RHOT1: variants seen among roughly 807,000 people sequenced by gnomAD.
RHOT1 encodes the protein ras homolog family member T1, also known as mitochondrial Rho GTPase 1.
RHOT1 carries 27 observed loss-of-function variants against 95.3 expected under a neutral mutation model. That is an observed-to-expected ratio of 0.28 (90% CI 0.21 to 0.39). RHOT1 has a LOEUF of 0.39. Ranked by LOEUF, RHOT1 falls within the 10% of genes least tolerant of loss-of-function variation. The pLI is 1.00. For missense variants in RHOT1, 578 were observed against 786.7 expected (o/e 0.73, Z 3.17); for synonymous variants, 227 against 263.5 (o/e 0.86, Z 1.34).
At chr17:32,177,830 T>G (rs963630633) in intron 6 of RHOT1, among the ~76,000 whole-genome samples, 6 of 145,878 alleles carry the variant, frequency 4.1e-5, no homozygotes, top group Non-Finnish European at 7.6e-5. Flanking sequence ...TCTTTCTTCT[T>G]TTTTTTTTTT....
At chr17:32,202,733 C>T (rs754366039) in intron 14 of RHOT1, 37 bp from the exon 15 acceptor site, 1 of 1,466,114 alleles carries the variant, frequency 6.8e-7, no homozygotes, top group Non-Finnish European at 9.2e-7. Context: ...CTAAGTGGTA[C>T]ATATTTAGTG....
intron 11 of RHOT1, 22 bp downstream of exon 11, chr17:32,194,129 G>T (rs569658599): frequency 3.9e-4 from 621 of 1,597,670 alleles, no homozygotes; most frequent in African/African-American, 1.5e-3. Flanking sequence ...TGTTTTTTTT[G>T]TTGTTGTTGT....
intron 1 of RHOT1, among the ~76,000 whole-genome samples, chr17:32,158,400 T>G (rs1252055661): frequency 6.6e-6 from 1 of 152,164 alleles, no homozygotes; most frequent in Non-Finnish European, 1.5e-5. Flanking sequence ...AAAAATCTAT[T>G]ACAGTGTTTC....
intron 8 of RHOT1, among the ~76,000 whole-genome samples, chr17:32,188,469 T>G (rs1441211936): frequency 6.6e-6 from 1 of 152,228 alleles, no homozygotes; most frequent in African/African-American, 2.4e-5. Context: ...GTCATAGGTT[T>G]GTGGATATGT....
intron 6 of RHOT1, chr17:32,179,411 C>A (rs2035373462): frequency 6.9e-6 from 1 of 145,868 alleles, no homozygotes; most frequent in Admixed American, 6.9e-5. Flanking sequence ...CCGGCCACCC[C>A]ATCTGGGAAG....
At chr17:32,168,071 C>T (rs55945037) in intron 1 of RHOT1, among the ~76,000 whole-genome samples, 1,848 of 150,876 alleles carry the variant, frequency 0.012, 38 homozygotes, top group African/African-American at 0.042. Flanking sequence ...TACAGAATGG[C>T]TTATTGAATA....
chr17:32,206,264 G>C (rs902160070), intron 16 of RHOT1, among the ~76,000 whole-genome samples: 2 of 139,578 alleles, frequency 1.4e-5, no homozygotes, highest in African/African-American at 5.4e-5. Context: ...GGAATGCAGC[G>C]GCGTGATCTC....
chr17:32,165,273 C>A (rs1276283490), intron 1 of RHOT1, among the ~76,000 whole-genome samples: 1 of 137,822 alleles, frequency 7.3e-6, no homozygotes, highest in East Asian at 2.2e-4. Context: ...AGAGGCAGAG[C>A]TTGCAATAAG....
intron 19 of RHOT1, among the ~76,000 whole-genome samples, chr17:32,222,361 G>A (rs767942014): frequency 9.2e-5 from 14 of 152,120 alleles, no homozygotes; most frequent in East Asian, 1.9e-4. Context: ...TAAACTTCAC[G>A]ACTAATCGTT....
chr17:32,224,017 GT>G (rs1404382481), intron 19 of RHOT1, among the ~76,000 whole-genome samples: 2 of 152,106 alleles, frequency 1.3e-5, no homozygotes, highest in African/African-American at 4.8e-5. Flanking sequence ...CCAGGGATTG[GT>G]TTTTTTCTCT....
chr17:32,174,941 C>T (rs1384380570), intron 3 of RHOT1, among the ~76,000 whole-genome samples: 1 of 152,170 alleles, frequency 6.6e-6, no homozygotes, highest in Non-Finnish European at 1.5e-5. Context: ...GCTTGTATTA[C>T]CCAGAATCTC....
In RHOT1 at chr17:32,224,765, A is replaced by G; in HGVS notation, c.*32A>G. ...AAGAAATACTGTCCCTACCAAAAAC[A>G]AATACTTTTATGTACATTCTGAATG... On this transcript the variant is annotated 3_prime_UTR_variant, in exon 20 of 20. Coordinates refer to ENST00000545287, the MANE Select transcript of RHOT1 (RefSeq NM_001033566.3). 2 of 1,311,942 alleles carry G rather than the reference A, an allele frequency of 1.5e-6. No individual in the cohort carries two copies. Among genetic ancestry groups the G allele is most frequent in the Non-Finnish European group, 2.2e-6 (2 of 913,268 alleles). 81.3% of individuals were successfully genotyped at this position (1,311,942 alleles called of 1,614,324 possible). A position where few individuals can be genotyped will look rare whatever the true frequency, so the allele number is the denominator to read the frequency against.
chr17:32,154,044 T>G (rs867432223), intron 1 of RHOT1, among the ~76,000 whole-genome samples: 2 of 151,876 alleles, frequency 1.3e-5, no homozygotes, highest in Non-Finnish European at 2.9e-5. Flanking sequence ...GGCTCATACC[T>G]TTAGTCCCAG....
intron 19 of RHOT1, 62 bp from the exon 20 acceptor site, chr17:32,224,554 A>T: frequency 1.7e-6 from 2 of 1,152,482 alleles, no homozygotes; most frequent in Non-Finnish European, 2.5e-6. Context: ...ACTGCTAAAT[A>T]ACTGGTATAG....
At chr17:32,193,923 T>TA in intron 10 of RHOT1, 64 bp from the exon 11 acceptor site, 1 of 1,567,860 alleles carries the variant, frequency 6.4e-7, no homozygotes, top group East Asian at 2.3e-5. Flanking sequence ...TTCTTGCCAT[T>TA]ATGTTACATG....
chr17:32,188,095 A>G (rs1395680204), intron 8 of RHOT1, among the ~76,000 whole-genome samples: 1 of 152,252 alleles, frequency 6.6e-6, no homozygotes, highest in Non-Finnish European at 1.5e-5. Context: ...TGCTGAGTGC[A>G]CTACTAATTG....
chr17:32,195,696 G>A (rs542864927), intron 11 of RHOT1, among the ~76,000 whole-genome samples: 40 of 152,182 alleles, frequency 2.6e-4, no homozygotes, highest in South Asian at 2.1e-4. Flanking sequence ...TTACTTCTCC[G>A]TTATTGAGGA....
chr17:32,217,010 G>C (rs1257870219), intron 19 of RHOT1, among the ~76,000 whole-genome samples: 1 of 152,128 alleles, frequency 6.6e-6, no homozygotes, highest in Non-Finnish European at 1.5e-5. Context: ...CATTAAGTAA[G>C]CTGCTGCTGC....
In RHOT1 at chr17:32,142,505, G is replaced by T; in HGVS notation, c.-188G>T. On this transcript the variant is annotated 5_prime_UTR_variant, in exon 1 of 20. Transcript: ENST00000545287. ...CGCCGCCGCCGCCGCCGCCGCCACAGCCCGCTGGGCCGGAGGAGGCGGAGC... is the reference window on the plus strand; with the variant it reads ...CGCCGCCGCCGCCGCCGCCGCCACATCCCGCTGGGCCGGAGGAGGCGGAGC... The T allele has an allele frequency of 2.3e-6, 1 of 429,282 alleles. No homozygotes were observed. Among genetic ancestry groups the T allele is most frequent in the Non-Finnish European group, 3.9e-6 (1 of 257,840 alleles). The allele number at this position is 429,282 out of a possible 1,614,324, so 26.6% of individuals were successfully genotyped here. A position where few individuals can be genotyped will look rare whatever the true frequency, so the allele number is the denominator to read the frequency against.
Sources: gnomAD v4.1 joint callset for allele counts (sites outside exome capture counted in the v4.1 genomes callset) on GRCh38, gnomAD v4.1.1 for gene constraint, MANE v1.5 for transcripts, NCBI Gene and HGNC (gene_info 2026-07-23, HGNC 2026-07-21) for gene names.